Variants in C3orf70 observed in about 807,000 individuals in gnomAD.
C3orf70 encodes UPF0524 protein C3orf70.
C3orf70 carries 15 observed loss-of-function variants against 20.7 expected under a neutral mutation model. That is an observed-to-expected ratio of 0.72 (90% CI 0.48 to 1.11). The LOEUF (loss-of-function observed/expected upper bound fraction) is 1.11, where lower values mean the gene tolerates loss of function less well. Among genes scored for constraint, C3orf70 ranks in the 50% most tolerant of loss-of-function variants. The pLI is 0.00. For missense variants in C3orf70, 332 were observed against 317.6 expected (o/e 1.05, Z -0.34); for synonymous variants, 161 against 125.7 (o/e 1.28, Z -1.88).
chr3:185,125,727 TG>T (rs757289464), intron 1 of C3orf70, among the ~76,000 whole-genome samples: 1 of 152,186 alleles, frequency 6.6e-6, no homozygotes, highest in Non-Finnish European at 1.5e-5. Context: ...TTATGTTAAG[TG>T]GACAAAGCTA....
In C3orf70 at chr3:185,083,382, A is replaced by C. The variant is rs1309066106; in HGVS notation, c.378T>G (p.Ile126Met). 1.9e-6 allele frequency: 3 copies of C among 1,614,150 alleles called. No individual in the cohort carries two copies. In the South Asian group the frequency reaches 3.3e-5, roughly 18 times the overall value. ...LPPDSPRYCMISDLFIDNYQV... is the reference protein window; with the variant it reads ...LPPDSPRYCMMSDLFIDNYQV... ...GATAGTTGTCAATAAAAAGGTCTGA[A>C]ATCATACAGTACCTCGGTGAGTCAG... Residue 126 changes from isoleucine (I) to methionine (M), a missense_variant, in exon 2 of 2, where the codon ATT (isoleucine) becomes ATG (methionine). Coordinates refer to ENST00000335012, the MANE Select transcript of C3orf70 (RefSeq NM_001025266.3).
intron 1 of C3orf70, among the ~76,000 whole-genome samples, chr3:185,126,051 TATAATTA>T (rs1329500988): frequency 3.3e-5 from 5 of 152,292 alleles, no homozygotes; most frequent in South Asian, 4.2e-4. Context: ...GTATGTAAGT[TATAATTA>T]ATAAGCCTGA....
chr3:185,087,478 G>A (rs1237007500), intron 1 of C3orf70, among the ~76,000 whole-genome samples: 1 of 152,156 alleles, frequency 6.6e-6, no homozygotes, highest in Non-Finnish European at 1.5e-5. Flanking sequence ...AAATATATTA[G>A]CCTTTAAAAG....
chr3:185,143,821 T>C (rs1007340508), intron 1 of C3orf70, among the ~76,000 whole-genome samples: 1 of 152,166 alleles, frequency 6.6e-6, no homozygotes, highest in African/African-American at 2.4e-5. Context: ...TCTATAATAC[T>C]TGAATCCTTT....
intron 1 of C3orf70, among the ~76,000 whole-genome samples, chr3:185,100,323 T>G (rs56103048): frequency 0.052 from 7,902 of 151,930 alleles, 664 homozygotes; most frequent in African/African-American, 0.18. Flanking sequence ...AAATGCAAAA[T>G]AACTGAAATC....
At chr3:185,150,503 A>C (rs577186892) in intron 1 of C3orf70, among the ~76,000 whole-genome samples, 1 of 148,508 alleles carries the variant, frequency 6.7e-6, no homozygotes, top group Admixed American at 6.6e-5. Flanking sequence ...CAAAAATATA[A>C]GTGTGAGATG....
At chr3:185,130,013 A>G (rs963763484) in intron 1 of C3orf70, among the ~76,000 whole-genome samples, 6 of 152,230 alleles carry the variant, frequency 3.9e-5, no homozygotes, top group Non-Finnish European at 8.8e-5. Context: ...TATCTCTTGT[A>G]ATATAATCCT....
intron 1 of C3orf70, among the ~76,000 whole-genome samples, chr3:185,088,138 C>T (rs1026297557): frequency 1.6e-4 from 24 of 152,026 alleles, no homozygotes; most frequent in Admixed American, 1.3e-4. Flanking sequence ...CTCAAACTCC[C>T]GACCTCAGGT....
At chr3:185,119,894 C>T (rs1488340140) in intron 1 of C3orf70, among the ~76,000 whole-genome samples, 3 of 151,518 alleles carry the variant, frequency 2.0e-5, no homozygotes, top group Non-Finnish European at 4.4e-5. Flanking sequence ...CGTGGTGGTG[C>T]ATGCCTGTAG....
intron 1 of C3orf70, among the ~76,000 whole-genome samples, chr3:185,127,574 G>C (rs919899626): frequency 1.5e-4 from 23 of 152,086 alleles, no homozygotes; most frequent in African/African-American, 4.8e-4. Context: ...TAAGTAGCTG[G>C]GATTACAGGC....
At chr3:185,138,615 C>T (rs185915323) in intron 1 of C3orf70, among the ~76,000 whole-genome samples, 2 of 152,242 alleles carry the variant, frequency 1.3e-5, no homozygotes, top group African/African-American at 4.8e-5. Context: ...TCAATATAAT[C>T]TACCACATGA....
chr3:185,109,271 T>G (rs1310799539), intron 1 of C3orf70, among the ~76,000 whole-genome samples: 1 of 152,164 alleles, frequency 6.6e-6, no homozygotes, highest in Non-Finnish European at 1.5e-5. Flanking sequence ...AACAATTGGT[T>G]TGGTGGAGAG....
At chr3:185,130,721 TTCTG>T (rs1716508049) in intron 1 of C3orf70, among the ~76,000 whole-genome samples, 1 of 152,220 alleles carries the variant, frequency 6.6e-6, no homozygotes, top group South Asian at 2.1e-4. Flanking sequence ...ATATGTTACT[TTCTG>T]TGTTTGGCTT....
chr3:185,082,263 T>C lies in C3orf70; in HGVS notation c.*744A>G, dbSNP rs1280145956. Reference sequence around the variant, plus strand: ...ATATATAGGACTGTGGGCCCCTTCATGGTGGGAATCAGGTCTTATTCATGC... The same window carrying C: ...ATATATAGGACTGTGGGCCCCTTCACGGTGGGAATCAGGTCTTATTCATGC... On this transcript the variant is annotated 3_prime_UTR_variant, in exon 2 of 2. Transcript: ENST00000335012. The C allele has an allele frequency of 6.6e-6, 1 of 152,202 alleles. No individual in the cohort carries two copies. Among genetic ancestry groups the C allele is most frequent in the East Asian group, 1.9e-4 (1 of 5,180 alleles). 9.4% of individuals were successfully genotyped at this position (152,202 alleles called of 1,614,324 possible). A position where few individuals can be genotyped will look rare whatever the true frequency, so the allele number is the denominator to read the frequency against.
At position 185,146,368 on chromosome 3, in the gene C3orf70, A is replaced by T. The variant is rs1294727853; in HGVS notation, c.196+6260T>A. 2.9e-5 allele frequency among the ~76,000 whole-genome samples: 4 copies of T among 136,092 alleles called. No homozygotes were observed. The East Asian group carries it at 6.5e-4, about 22-fold the overall frequency. The allele number at this position is 136,092 out of a possible 152,430, so 89.3% of individuals were successfully genotyped here. ...AATGGCGCGATCTTGGCTCGCTGCA[A>T]CCTCTGCCTCCCGAGTTCAAGCGAT... On this transcript the variant is annotated intron_variant, in intron 1 of 1. Transcript: ENST00000335012.
chr3:185,106,688 G>A (rs1039099169), intron 1 of C3orf70, among the ~76,000 whole-genome samples: 2 of 152,302 alleles, frequency 1.3e-5, no homozygotes, highest in South Asian at 2.1e-4. Context: ...TCTGTCCCCC[G>A]CCACAGCCGG....
intron 1 of C3orf70, among the ~76,000 whole-genome samples, chr3:185,131,500 T>C (rs1014475076): frequency 6.6e-6 from 1 of 152,232 alleles, no homozygotes; most frequent in East Asian, 1.9e-4. Context: ...TTCCATGTTG[T>C]TCAAAACAAA....
Position 185,082,828 on chromosome 3 carries a change from G to C in C3orf70, c.*179C>G, listed in dbSNP as rs533311417. On this transcript the variant is annotated 3_prime_UTR_variant, in exon 2 of 2. Coordinates refer to ENST00000335012, the MANE Select transcript of C3orf70 (RefSeq NM_001025266.3). Reference sequence around the variant, plus strand: ...AAAAGAAAACTGTTTATAATAAAAAGAATGTCTTAGTTGTAAGACGGAGAG... The same window carrying C: ...AAAAGAAAACTGTTTATAATAAAAACAATGTCTTAGTTGTAAGACGGAGAG... 2 of 617,922 alleles carry C rather than the reference G, an allele frequency of 3.2e-6. No individual in the cohort carries two copies. Among genetic ancestry groups the C allele is most frequent in the South Asian group, 4.4e-5 (2 of 44,964 alleles). 38.3% of individuals were successfully genotyped at this position (617,922 alleles called of 1,614,324 possible). A position where few individuals can be genotyped will look rare whatever the true frequency, so the allele number is the denominator to read the frequency against.
chr3:185,078,744 C>T lies in C3orf70; in HGVS notation c.*4263G>A, dbSNP rs1452166162. The T allele has an allele frequency of 2.6e-5, 4 of 152,160 alleles. No homozygotes were observed. The highest frequency in any genetic ancestry group is 1.9e-4 in the East Asian group (1 of 5,196). 9.4% of individuals were successfully genotyped at this position (152,160 alleles called of 1,614,324 possible). A position where few individuals can be genotyped will look rare whatever the true frequency, so the allele number is the denominator to read the frequency against. On this transcript the variant is annotated 3_prime_UTR_variant, in exon 2 of 2. Coordinates refer to ENST00000335012, the MANE Select transcript of C3orf70 (RefSeq NM_001025266.3). ...TTTTCCTCATGTAAAAAAGCCAGAA[C>T]GTGACCATAAAATTTTGCAAACAAG...
Sources: allele counts gnomAD v4.1 joint callset (sites outside exome capture counted in the v4.1 genomes callset), GRCh38; gene constraint gnomAD v4.1.1; transcripts MANE v1.5; gene names NCBI Gene and HGNC (gene_info 2026-07-23, HGNC 2026-07-21).